The following SORCS2 variants were observed in gnomAD, a reference collection of about 807,000 sequenced individuals.
SORCS2 encodes the protein VPS10 domain-containing receptor SorCS2.
In SORCS2, 100 loss-of-function variants were observed where a neutral mutation model predicts 141.6. The observed-to-expected ratio is 0.71, with a 90% CI of 0.60 to 0.83. The LOEUF (loss-of-function observed/expected upper bound fraction) is 0.83, where lower values mean the gene tolerates loss of function less well. Ranked by LOEUF, SORCS2 falls within the 40% of genes least tolerant of loss-of-function variation. The pLI is 0.00. For synonymous variants in SORCS2, 789 were observed against 676.9 expected (o/e 1.17, Z -2.57); for missense variants, 1,646 against 1,560.2 (o/e 1.05, Z -0.93).
intron 1 of SORCS2, among the ~76,000 whole-genome samples, chr4:7,259,812 G>A (rs770526947): frequency 5.3e-5 from 8 of 152,252 alleles, no homozygotes; most frequent in Non-Finnish European, 1.2e-4. Flanking sequence ...GACTCTGAGA[G>A]GAGAAGTCGG....
intron 1 of SORCS2, among the ~76,000 whole-genome samples, chr4:7,267,422 C>T (rs772557356): frequency 6.6e-6 from 1 of 152,124 alleles, no homozygotes; most frequent in Non-Finnish European, 1.5e-5. Flanking sequence ...ATTTCCCCGC[C>T]CCTACCCAAG....
chr4:7,370,588 T>G (rs1037056593), intron 1 of SORCS2, among the ~76,000 whole-genome samples: 2 of 152,226 alleles, frequency 1.3e-5, no homozygotes, highest in African/African-American at 4.8e-5. Flanking sequence ...ACACGCTCAA[T>G]GATCTTCCAA....
chr4:7,695,919 GA>G lies in SORCS2; in HGVS notation c.1592-1278del, dbSNP rs1291718538. Among the ~76,000 whole-genome samples, 45 of 123,608 alleles carry G rather than the reference GA, an allele frequency of 3.6e-4. 2 individuals are homozygous for G. Among genetic ancestry groups the G allele is most frequent in the East Asian group, 1.1e-3 (4 of 3,802 alleles). 81.1% of individuals were successfully genotyped at this position (123,608 alleles called of 152,430 possible). A position where few individuals can be genotyped will look rare whatever the true frequency, so the allele number is the denominator to read the frequency against. ...GGATGGATGGATGGATGGATGGATG[GA>G]TGGATTGGTGGGTGGGTGGGTGGAT... On this transcript the variant is annotated intron_variant, in intron 11 of 26. Coordinates refer to ENST00000507866, the MANE Select transcript of SORCS2 (RefSeq NM_020777.3).
intron 3 of SORCS2, among the ~76,000 whole-genome samples, chr4:7,571,013 C>T (rs898824963): frequency 3.3e-5 from 5 of 152,184 alleles, no homozygotes; most frequent in Non-Finnish European, 5.9e-5. Flanking sequence ...GAAATCCCTG[C>T]CTGTGGCTTT....
At chr4:7,401,632 G>A (rs944952329) in intron 2 of SORCS2, among the ~76,000 whole-genome samples, 4 of 152,152 alleles carry the variant, frequency 2.6e-5, no homozygotes, top group Non-Finnish European at 5.9e-5. Context: ...CACTGAGCAC[G>A]GCTGTTGGGC....
At chr4:7,410,367 C>G (rs1057183183) in intron 2 of SORCS2, among the ~76,000 whole-genome samples, 2 of 152,194 alleles carry the variant, frequency 1.3e-5, no homozygotes, top group African/African-American at 4.8e-5. Flanking sequence ...GAACTCTACC[C>G]TTAAGGTGAT....
chr4:7,326,164 A>G (rs1351403652), intron 1 of SORCS2, among the ~76,000 whole-genome samples: 1 of 152,004 alleles, frequency 6.6e-6, no homozygotes, highest in Non-Finnish European at 1.5e-5. Flanking sequence ...ACATCACAAG[A>G]TAAATAGTGG....
chr4:7,256,734 TGGG>T (rs1713905336), intron 1 of SORCS2, among the ~76,000 whole-genome samples: 1 of 115,296 alleles, frequency 8.7e-6, no homozygotes. Flanking sequence ...TCTCGCATGA[TGGG>T]GGGTTGGGAC....
intron 3 of SORCS2, among the ~76,000 whole-genome samples, chr4:7,620,112 G>C (rs368243598): frequency 1.3e-5 from 2 of 151,730 alleles, no homozygotes; most frequent in Non-Finnish European, 2.9e-5. Flanking sequence ...GGACCACTGG[G>C]CGTTTCTCCT....
chr4:7,444,949 G>A (rs760550437), intron 2 of SORCS2, among the ~76,000 whole-genome samples: 1 of 151,912 alleles, frequency 6.6e-6, no homozygotes, highest in South Asian at 2.1e-4. Context: ...CGGAGGAGGC[G>A]ACCCAGGCAG....
intron 14 of SORCS2, among the ~76,000 whole-genome samples, chr4:7,706,536 C>G (rs1725474859): frequency 7.1e-6 from 1 of 140,602 alleles, no homozygotes; most frequent in Non-Finnish European, 1.6e-5. Flanking sequence ...TCTGTCTGGG[C>G]AGGGATGAGG....
rs978735977 is a variant in SORCS2 at position 7,286,004 on chromosome 4, G to A, written c.480+92878G>A. 8.5e-5 allele frequency among the ~76,000 whole-genome samples: 13 copies of A among 152,164 alleles called. No individual in the cohort carries two copies. Among genetic ancestry groups the A allele is most frequent in the African/African-American group, 1.4e-4 (6 of 41,442 alleles). On this transcript the variant is annotated intron_variant, in intron 1 of 26. Coordinates refer to ENST00000507866, the MANE Select transcript of SORCS2 (RefSeq NM_020777.3). This position sits in a 1 kb window ranked among gnomAD's most constrained non-coding sequence, Gnocchi z 4.1. ...ATTAATCAGCACGGCGGCCGGCACC[G>A]TGCTCCGTGCCCTGCCGAGAGCCAG...
Position 7,740,926 on chromosome 4 carries a change from G to C in SORCS2, c.*662G>C, listed in dbSNP as rs2148910953. ...GGCTCTGTCAGAGTTCCGTACTCGG[G>C]AGCCCCTTTCCCTGAGTGCCCAGGG... On this transcript the variant is annotated 3_prime_UTR_variant, in exon 27 of 27. Transcript: ENST00000507866. 2.5e-6 allele frequency: 1 copy of C among 398,192 alleles called. No homozygotes were observed. The allele number at this position is 398,192 out of a possible 1,614,324, so 24.7% of individuals were successfully genotyped here.
At chr4:7,252,327 G>A (rs1713560402) in intron 1 of SORCS2, among the ~76,000 whole-genome samples, 1 of 152,160 alleles carries the variant, frequency 6.6e-6, no homozygotes, top group African/African-American at 2.4e-5. Flanking sequence ...GCATGCTGGG[G>A]CCAGGTGTGG....
intron 14 of SORCS2, among the ~76,000 whole-genome samples, chr4:7,707,931 G>A (rs1439776927): frequency 2.0e-5 from 3 of 150,120 alleles, no homozygotes; most frequent in Non-Finnish European, 2.9e-5. Context: ...CTCCGCCCCC[G>A]TCTCCAAATC....
chr4:7,499,411 G>A (rs1323750681), intron 2 of SORCS2, among the ~76,000 whole-genome samples: 1 of 152,194 alleles, frequency 6.6e-6, no homozygotes, highest in East Asian at 1.9e-4. Flanking sequence ...GACCCTGTGG[G>A]AGTTGCATGC....
At chr4:7,523,294 T>C (rs1577693785) in intron 2 of SORCS2, among the ~76,000 whole-genome samples, 2 of 152,210 alleles carry the variant, frequency 1.3e-5, no homozygotes, top group South Asian at 2.1e-4. Flanking sequence ...ACTCAAATAC[T>C]CAAATCCAGT....
At chr4:7,628,955 T>C (rs1719697362) in intron 3 of SORCS2, among the ~76,000 whole-genome samples, 1 of 152,182 alleles carries the variant, frequency 6.6e-6, no homozygotes, top group African/African-American at 2.4e-5. Context: ...AGACAAAGGA[T>C]AATCAGGAGT....
chr4:7,572,540 C>A (rs1715472562), intron 3 of SORCS2, among the ~76,000 whole-genome samples: 1 of 152,178 alleles, frequency 6.6e-6, no homozygotes. Flanking sequence ...TGTGCTACAG[C>A]AAGACTTAGC....
Sources: allele counts gnomAD v4.1 joint callset (sites outside exome capture counted in the v4.1 genomes callset), GRCh38; gene constraint gnomAD v4.1.1; non-coding constraint Gnocchi (gnomAD v3.1); transcripts MANE v1.5; gene names NCBI Gene and HGNC (gene_info 2026-07-23, HGNC 2026-07-21).